COL6A1: variants seen among roughly 807,000 people sequenced by gnomAD.
The protein encoded by COL6A1 is collagen type VI alpha 1 chain.
In COL6A1, 80 loss-of-function variants were observed where a neutral mutation model predicts 145.6. That is an observed-to-expected ratio of 0.55 (90% CI 0.46 to 0.66). The LOEUF is 0.66. Among genes scored for constraint, COL6A1 ranks in the 30% least tolerant of loss-of-function variants. The pLI is 0.00. For synonymous variants in COL6A1, 638 were observed against 622.8 expected (o/e 1.02, Z -0.36); for missense variants, 1,364 against 1,473.8 (o/e 0.93, Z 1.22).
At chr21:45,984,804 A>G (rs1376398193) in intron 3 of COL6A1, among the ~76,000 whole-genome samples, 1 of 152,092 alleles carries the variant, frequency 6.6e-6, no homozygotes, top group Admixed American at 6.5e-5. Flanking sequence ...AGAGAGAGAC[A>G]CAGAGAGACA....
Position 46,002,521 on chromosome 21 carries a change from C to T in COL6A1, c.2251-6C>T, listed in dbSNP as rs756140988. 1.4e-5 allele frequency: 23 copies of T among 1,613,916 alleles called. No homozygotes were observed. Among genetic ancestry groups the T allele is most frequent in the African/African-American group, 2.7e-5 (2 of 74,944 alleles). ...TGCGCCACACCGATACTGTCTGTCC[C>T]CACAGGTGGTCTCCGTGGGCATCAA... On this transcript the variant is annotated splice_polypyrimidine_tract_variant and splice_region_variant and intron_variant, in intron 32 of 34. Coordinates refer to ENST00000361866, the MANE Select transcript of COL6A1 (RefSeq NM_001848.3).
intron 27 of COL6A1, among the ~76,000 whole-genome samples, chr21:45,999,984 G>A (rs1318830710): frequency 1.9e-3 from 2 of 1,038 alleles, no homozygotes; most frequent in South Asian, 0.026. Flanking sequence ...CATGGAGGGG[G>A]ACATGTGAGG....
Position 46,004,312 on chromosome 21 carries a change from CTG to C in COL6A1, c.*300_*301del. ...GCTGGCGTCACCTGTGCAGGGCCCT[CTG>C]GGGCTCAGCCCTGAGCTGGCCTCAC... On this transcript the variant is annotated 3_prime_UTR_variant, in exon 35 of 35. Coordinates refer to ENST00000361866, the MANE Select transcript of COL6A1 (RefSeq NM_001848.3). 2.0e-6 allele frequency: 1 copy of C among 492,910 alleles called. No individual in the cohort carries two copies. Among genetic ancestry groups the C allele is most frequent in the Non-Finnish European group, 3.7e-6 (1 of 272,524 alleles). 30.5% of individuals were successfully genotyped at this position (492,910 alleles called of 1,614,324 possible).
rs558038353 is a variant in COL6A1 at position 46,001,790 on chromosome 21, G to A, written c.1957-171G>A. Among the ~76,000 whole-genome samples, 281 of 151,416 alleles carry A rather than the reference G, an allele frequency of 1.9e-3. 2 individuals carry two copies. The highest frequency in any genetic ancestry group is 7.8e-4 in the Non-Finnish European group (53 of 67,728). On this transcript the variant is annotated intron_variant, in intron 30 of 34. Transcript: ENST00000361866. ...GCCAATCGCAGGGTACCCAGGTCCCGGGGGCTGTGCCACCCTCTGTGCACC... is the reference window on the plus strand; with the variant it reads ...GCCAATCGCAGGGTACCCAGGTCCCAGGGGCTGTGCCACCCTCTGTGCACC...
intron 20 of COL6A1, 146 bp from the exon 21 acceptor site, chr21:45,997,275 C>T: frequency 1.3e-6 from 1 of 780,162 alleles, no homozygotes; most frequent in Non-Finnish European, 2.2e-6. Flanking sequence ...CAAGAGTGGG[C>T]CTGGCTCTCC....
chr21:45,982,550 T>G, intron 1 of COL6A1, 84 bp from the exon 2 acceptor site: 1 of 1,599,132 alleles, frequency 6.3e-7, no homozygotes, highest in East Asian at 2.2e-5. Context: ...CTGCAGGCGC[T>G]GGGCTGGCCG....
rs569594162 is a variant in COL6A1, at chr21:45,994,487, G to A, written c.1398+258G>A. Among the ~76,000 whole-genome samples the A allele has an allele frequency of 1.3e-5, 2 of 152,256 alleles. No homozygotes were observed. Among genetic ancestry groups the A allele is most frequent in the South Asian group, 2.1e-4 (1 of 4,826 alleles). The stretch of plus-strand genomic sequence containing the variant: ...AGACGCTCAGCCCAGGTGGAGAAGC[G>A]CTGTCTGGGGGCCCATCCGGGGCAA... On this transcript the variant is annotated intron_variant, in intron 20 of 34. Coordinates refer to ENST00000361866, the MANE Select transcript of COL6A1 (RefSeq NM_001848.3). The surrounding 1 kb of genome is among the most constrained non-coding windows in gnomAD (Gnocchi z 6.8).
intron 8 of COL6A1, among the ~76,000 whole-genome samples, 182 bp from the exon 9 acceptor site, chr21:45,988,902 G>A (rs1397078310): frequency 6.6e-6 from 1 of 152,168 alleles, no homozygotes; most frequent in African/African-American, 2.4e-5. Context: ...GCAGGGAGTG[G>A]GGGGAGCTGG....
chr21:46,001,986 G>C lies in COL6A1; in HGVS notation c.1982G>C (p.Gly661Ala), dbSNP rs771702139. 8.7e-6 allele frequency: 14 copies of C among 1,612,510 alleles called. No individual in the cohort carries two copies. Among genetic ancestry groups the C allele is most frequent in the African/African-American group, 4.0e-5 (3 of 74,926 alleles). Residue 661 changes from glycine to alanine, a missense_variant, in exon 31 of 35, where the codon GGT (glycine) becomes GCT (alanine). Transcript: ENST00000361866. The part of the protein sequence containing the change: ...VKFEPGQSYA[G>A]VVQYSHSQMQ... ...TTCGAGCCAGGGCAGTCGTACGCGG[G>C]TGTGGTGCAGTACAGCCACAGCCAG...
chr21:46,003,708 C>A lies in COL6A1; in HGVS notation c.2782C>A (p.Arg928Ser). 1 of 1,612,978 alleles carries A rather than the reference C, an allele frequency of 6.2e-7. No individual in the cohort carries two copies. The highest frequency in any genetic ancestry group is 1.3e-5 in the African/African-American group (1 of 75,068). ...DALGYVTRFY[R>S]EASSGAAKKR... ...CCTGGGCTATGTGACCCGCTTCTAC[C>A]GCGAGGCCTCGTCCGGCGCTGCCAA... Residue 928 changes from arginine to serine, a missense_variant, in exon 35 of 35, where the codon CGC (arginine) becomes AGC (serine). Coordinates refer to ENST00000361866, the MANE Select transcript of COL6A1 (RefSeq NM_001848.3).
chr21:45,986,796 G>A, intron 4 of COL6A1, 111 bp downstream of exon 4: 1 of 1,515,712 alleles, frequency 6.6e-7, no homozygotes. Flanking sequence ...GGGTTCTCCA[G>A]CCGGCCACCC....
intron 20 of COL6A1, among the ~76,000 whole-genome samples, chr21:45,995,403 CA>C (rs2077799394): frequency 6.6e-6 from 1 of 152,224 alleles, no homozygotes; most frequent in African/African-American, 2.4e-5. Context: ...AGAGGCCATG[CA>C]GCCAGTGGCA....
chr21:45,990,043 GGGC>G (rs1290856598), intron 11 of COL6A1, among the ~76,000 whole-genome samples: 9 of 140,102 alleles, frequency 6.4e-5, no homozygotes, highest in African/African-American at 1.8e-4. Flanking sequence ...GGGGTCCCCC[GGGC>G]GGTTACCCTC....
Position 45,990,439 on chromosome 21 carries a change from A to AGTGTGAAGGTGACCAGG in COL6A1, c.1002+18_1002+19insTGTGAAGGTGACCAGGG. 2 of 595,266 alleles carry AGTGTGAAGGTGACCAGG rather than the reference A, an allele frequency of 3.4e-6. No individual in the cohort carries two copies. Among genetic ancestry groups the AGTGTGAAGGTGACCAGG allele is most frequent in the Non-Finnish European group, 4.5e-6 (2 of 445,256 alleles). 36.9% of individuals were successfully genotyped at this position (595,266 alleles called of 1,614,324 possible). Reference sequence around the variant, plus strand: ...GGCGTGAAGGTGACTGGGGGGAGATAGGATGGACGGGGAGGGACGAGGAGG... The same window carrying AGTGTGAAGGTGACCAGG: ...GGCGTGAAGGTGACTGGGGGGAGATAGTGTGAAGGTGACCAGGGGATGGACGGGGAGGGACGAGGAGG... On this transcript the variant is annotated intron_variant, in intron 13 of 34. Transcript: ENST00000361866.
intron 9 of COL6A1, 42 bp from the exon 10 acceptor site, chr21:45,989,566 T>G: frequency 6.2e-7 from 1 of 1,604,046 alleles, no homozygotes; most frequent in Non-Finnish European, 8.5e-7. Flanking sequence ...CCCCTGCCCC[T>G]GCTCCTCCGG....
intron 18 of COL6A1, 87 bp downstream of exon 18, chr21:45,992,485 A>G: frequency 6.7e-7 from 1 of 1,484,196 alleles, no homozygotes; most frequent in Non-Finnish European, 9.2e-7. Context: ...CCCTCCCAGC[A>G]CTGAGAGCCA....
intron 3 of COL6A1, among the ~76,000 whole-genome samples, chr21:45,984,813 CAG>C (rs1350545581): frequency 6.7e-6 from 1 of 149,228 alleles, no homozygotes; most frequent in African/African-American, 2.5e-5. Context: ...CACAGAGAGA[CAG>C]AGACGGGAAC....
In COL6A1 at chr21:45,984,364, G is replaced by A; in HGVS notation, c.323G>A (p.Gly108Asp). 6.2e-7 allele frequency: 1 copy of A among 1,612,678 alleles called. No individual in the cohort carries two copies. The highest frequency in any genetic ancestry group is 8.5e-7 in the Non-Finnish European group (1 of 1,179,908). The change falls in exon 3 of 35, where the codon GGC (glycine) becomes GAC (aspartate). Residue 108 changes from glycine to aspartate, a missense_variant. This residue lies in a region of COL6A1 where 414 missense variants were observed against 437.6 expected (regional missense o/e 0.95). Transcript: ENST00000361866. Reference protein sequence around the residue: ...EIIQGLTRMPGGRDALKSSVD... With the variant: ...EIIQGLTRMPDGRDALKSSVD... The stretch of plus-strand genomic sequence containing the variant: ...ATCCAAGGCCTCACGCGCATGCCTG[G>A]CGGCCGCGACGCACTCAAAAGCAGC...
At chr21:46,000,505 C>G (rs913613297) in intron 28 of COL6A1, 138 bp downstream of exon 28, 2 of 1,191,722 alleles carry the variant, frequency 1.7e-6, no homozygotes, top group Non-Finnish European at 2.4e-6. Context: ...TCAGCCAGCC[C>G]CTACCGGCCT....
Sources: allele counts gnomAD v4.1 joint callset (sites outside exome capture counted in the v4.1 genomes callset), GRCh38; gene constraint gnomAD v4.1.1; regional missense constraint gnomAD v4.1.1; non-coding constraint Gnocchi (gnomAD v3.1); transcripts MANE v1.5; gene names NCBI Gene and HGNC (gene_info 2026-07-23, HGNC 2026-07-21).